The following DMD variants were observed in gnomAD, a reference collection of about 807,000 sequenced individuals.
DMD encodes mutant dystrophin.
A neutral mutation model predicts 330.1 loss-of-function variants in DMD; 63 were observed. The observed-to-expected ratio is 0.19, with a 90% CI of 0.16 to 0.24. The LOEUF is 0.24. Ranked by LOEUF, DMD falls within the 10% of genes least tolerant of loss-of-function variation. The pLI is 1.00. For missense variants in DMD, 3,344 were observed against 2,684.1 expected (o/e 1.25, Z -5.43); for synonymous variants, 1,223 against 959.8 (o/e 1.27, Z -5.07).
At chrX:33,013,816 T>C (rs1406988959) in intron 2 of DMD, among the ~76,000 whole-genome samples, 1 of 80,656 alleles carries the variant, frequency 1.2e-5, no homozygotes, top group Admixed American at 1.2e-4. Flanking sequence ...TGTGTGTATA[T>C]GTATGTGTGT....
chrX:32,042,331 A>C (rs2147391674), intron 44 of DMD, among the ~76,000 whole-genome samples: 1 of 109,168 alleles, frequency 9.2e-6, no homozygotes, highest in Non-Finnish European at 1.9e-5. Flanking sequence ...TTACAATCAT[A>C]GTAGAAGGTG....
At chrX:31,592,380 C>CTATATATATA (rs34388625) in intron 55 of DMD, among the ~76,000 whole-genome samples, 1 of 92,217 alleles carries the variant, frequency 1.1e-5, no homozygotes, top group Admixed American at 1.2e-4. Flanking sequence ...CATATATATT[C>CTATATATATA]TATATATATA....
intron 2 of DMD, among the ~76,000 whole-genome samples, chrX:32,995,625 C>A (rs1325230726): frequency 8.9e-6 from 1 of 112,018 alleles, no homozygotes; most frequent in Non-Finnish European, 1.9e-5. Flanking sequence ...AGGCTGGGAT[C>A]CTGTACCCTG....
At chrX:31,861,946 T>TACACACAC (rs60169449) in intron 48 of DMD, among the ~76,000 whole-genome samples, 12,675 of 87,751 alleles carry the variant, frequency 0.14, 966 homozygotes, top group African/African-American at 0.24. Context: ...GAAAATAATA[T>TACACACAC]ACACACACAC....
chrX:32,522,398 G>A (rs1255109352), intron 17 of DMD, among the ~76,000 whole-genome samples: 1 of 110,948 alleles, frequency 9.0e-6, no homozygotes. Context: ...TTAGATTGGG[G>A]GTACATGTGA....
chrX:32,401,201 G>A (rs1323770749), intron 30 of DMD, among the ~76,000 whole-genome samples: 1 of 90,280 alleles, frequency 1.1e-5, no homozygotes, highest in African/African-American at 4.2e-5. Context: ...GGAGGGGGGA[G>A]GGATAGCATT....
intron 1 of DMD, among the ~76,000 whole-genome samples, chrX:33,076,606 A>C: frequency 8.9e-6 from 1 of 111,928 alleles, no homozygotes; most frequent in African/African-American, 3.2e-5. Context: ...AAACAAGAAA[A>C]GTTGGTTACC....
chrX:31,701,280 C>T (rs1397050215), intron 52 of DMD, among the ~76,000 whole-genome samples: 4 of 111,903 alleles, frequency 3.6e-5, no homozygotes, highest in Non-Finnish European at 7.5e-5. Context: ...AAATTAACCC[C>T]GAAAAACAAA....
chrX:33,308,372 A>G (rs1368068090), intron 1 of DMD, among the ~76,000 whole-genome samples: 1 of 112,588 alleles, frequency 8.9e-6, no homozygotes, highest in Admixed American at 9.5e-5. Flanking sequence ...ATTTCGAAAT[A>G]AATAATTCTT....
At chrX:31,662,879 G>C (rs2081211408) in intron 53 of DMD, among the ~76,000 whole-genome samples, 1 of 111,617 alleles carries the variant, frequency 9.0e-6, no homozygotes, top group African/African-American at 3.3e-5. Flanking sequence ...CTACATGTTG[G>C]ATTTGTTATT....
chrX:32,305,253 A>G (rs2097536179), intron 42 of DMD, among the ~76,000 whole-genome samples: 1 of 111,546 alleles, frequency 9.0e-6, no homozygotes, highest in Admixed American at 9.6e-5. Context: ...TGTGCTTAAG[A>G]GCTGTGAAAC....
At chrX:32,478,512 C>T (rs1402540880) in intron 21 of DMD, among the ~76,000 whole-genome samples, 1 of 111,406 alleles carries the variant, frequency 9.0e-6, no homozygotes, top group African/African-American at 3.3e-5. Context: ...TACAACAGGA[C>T]CCATGCATGA....
chrX:31,322,940 A>C (rs2056527277), intron 62 of DMD, among the ~76,000 whole-genome samples: 1 of 111,580 alleles, frequency 9.0e-6, no homozygotes, highest in African/African-American at 3.3e-5. Context: ...TATCGTAATC[A>C]CTCAATATCC....
Position 32,887,770 on chromosome X carries a change from A to AAAAAAAAAAAAAAAAAAC in DMD, c.94-37951_94-37950insGTTTTTTTTTTTTTTTTT, listed in dbSNP as rs1383701636. ...CAAAAAAAAAAAAAAAAAAAAAAAAAAAAAAACATCAACTAAAAGCTTATG... is the reference window on the plus strand; with the variant it reads ...CAAAAAAAAAAAAAAAAAAAAAAAAAAAAAAAAAAAAAAAAAACAAAAAACATCAACTAAAAGCTTATG... On this transcript the variant is annotated intron_variant, in intron 2 of 78. Coordinates refer to ENST00000357033, the MANE Select transcript of DMD (RefSeq NM_004006.3). Among the ~76,000 whole-genome samples, 151 of 70,353 alleles carry AAAAAAAAAAAAAAAAAAC rather than the reference A, an allele frequency of 2.1e-3. 22 individuals are homozygous for AAAAAAAAAAAAAAAAAAC. Among genetic ancestry groups the AAAAAAAAAAAAAAAAAAC allele is most frequent in the Non-Finnish European group, 3.0e-3 (104 of 34,636 alleles). The allele number at this position is 70,353 out of a possible 115,157, so 61.1% of individuals were successfully genotyped here. A position where few individuals can be genotyped will look rare whatever the true frequency, so the allele number is the denominator to read the frequency against.
At chrX:31,779,469 ATTC>A (rs2090884702) in intron 50 of DMD, among the ~76,000 whole-genome samples, 1 of 111,931 alleles carries the variant, frequency 8.9e-6, no homozygotes, top group Admixed American at 9.5e-5. Context: ...GACTAAGGGT[ATTC>A]TTCTCAAGTC....
At chrX:31,425,573 T>G (rs1465248418) in intron 60 of DMD, among the ~76,000 whole-genome samples, 1 of 111,523 alleles carries the variant, frequency 9.0e-6, no homozygotes, top group Admixed American at 9.6e-5. Flanking sequence ...TTGTTTCTCA[T>G]AGCCAGTGAT....
intron 60 of DMD, among the ~76,000 whole-genome samples, chrX:31,352,244 C>T (rs954644835): frequency 9.1e-6 from 1 of 110,141 alleles, no homozygotes; most frequent in East Asian, 2.8e-4. Context: ...TGTGGGAAAA[C>T]GCGTGCAAAT....
At chrX:33,326,226 C>T (rs1336423833) in intron 1 of DMD, among the ~76,000 whole-genome samples, 1 of 108,759 alleles carries the variant, frequency 9.2e-6, no homozygotes, top group Non-Finnish European at 1.9e-5. Context: ...ACTTGAGTAG[C>T]TCCCTCCAGA....
chrX:32,333,610 C>T (rs761205160), intron 41 of DMD, among the ~76,000 whole-genome samples: 1 of 110,881 alleles, frequency 9.0e-6, no homozygotes, highest in East Asian at 2.9e-4. Context: ...CAGATTTGCT[C>T]AGTTTCCCAA....
Sources: gnomAD v4.1 joint callset for allele counts (sites outside exome capture counted in the v4.1 genomes callset) on GRCh38, gnomAD v4.1.1 for gene constraint, MANE v1.5 for transcripts, NCBI Gene and HGNC (gene_info 2026-07-23, HGNC 2026-07-21) for gene names.